Variants in PTPRD observed in about 807,000 individuals in gnomAD.
PTPRD encodes receptor-type tyrosine-protein phosphatase delta.
Under a neutral mutation model 214.5 loss-of-function variants are expected in PTPRD, and 34 were observed. That is an observed-to-expected ratio of 0.16 (90% CI 0.12 to 0.21). The LOEUF (loss-of-function observed/expected upper bound fraction) is 0.21, where lower values mean the gene tolerates loss of function less well. Among genes scored for constraint, PTPRD ranks in the 10% least tolerant of loss-of-function variants. The pLI, the probability that PTPRD is intolerant of heterozygous loss-of-function variation, is 1.00. For synonymous variants in PTPRD, 1,128 were observed against 845.7 expected (o/e 1.33, Z -5.79); for missense variants, 2,545 against 2,398.7 (o/e 1.06, Z -1.27).
intron 9 of PTPRD, among the ~76,000 whole-genome samples, chr9:9,385,649 G>C (rs1479046438): frequency 1.3e-5 from 2 of 152,106 alleles, no homozygotes; most frequent in Non-Finnish European, 2.9e-5. Flanking sequence ...CTTAGTGAAA[G>C]TGAATACAGG....
chr9:9,206,401 G>C (rs1162924709), intron 9 of PTPRD, among the ~76,000 whole-genome samples: 3 of 152,208 alleles, frequency 2.0e-5, no homozygotes, highest in Admixed American at 2.0e-4. Context: ...TGGAGTGAGA[G>C]TTGGGGGAGG....
intron 11 of PTPRD, among the ~76,000 whole-genome samples, chr9:9,007,318 G>A (rs2099479402): frequency 6.7e-6 from 1 of 150,238 alleles, no homozygotes; most frequent in African/African-American, 2.5e-5. Context: ...GTGCTAACTG[G>A]TAGCCCAAAG....
intron 9 of PTPRD, among the ~76,000 whole-genome samples, chr9:9,226,952 C>T (rs1314111223): frequency 6.6e-6 from 1 of 152,050 alleles, no homozygotes; most frequent in Non-Finnish European, 1.5e-5. Context: ...TAAAGGAGGA[C>T]TTTAATTCAC....
At chr9:9,104,130 T>C (rs762700239) in intron 10 of PTPRD, among the ~76,000 whole-genome samples, 9 of 152,190 alleles carry the variant, frequency 5.9e-5, no homozygotes, top group Non-Finnish European at 1.0e-4. Flanking sequence ...TAGGACTAAA[T>C]AGTAGATACT....
intron 2 of PTPRD, among the ~76,000 whole-genome samples, chr9:10,587,673 C>A (rs1754226868): frequency 6.6e-6 from 1 of 152,012 alleles, no homozygotes; most frequent in African/African-American, 2.4e-5. Context: ...CAGCAGAGAA[C>A]CCCATTCTGG....
intron 2 of PTPRD, among the ~76,000 whole-genome samples, chr9:10,475,959 A>T (rs555501806): frequency 2.0e-5 from 3 of 152,242 alleles, no homozygotes; most frequent in Admixed American, 2.0e-4. Flanking sequence ...CTCTCAATAA[A>T]CTAGATATTG....
intron 7 of PTPRD, among the ~76,000 whole-genome samples, chr9:9,648,543 A>G (rs565791246): frequency 2.0e-5 from 3 of 152,366 alleles, no homozygotes; most frequent in Non-Finnish European, 4.4e-5. Context: ...AGAAATTTCA[A>G]TTAGATATTT....
chr9:9,811,694 G>A (rs950578715), intron 5 of PTPRD, among the ~76,000 whole-genome samples: 3 of 152,096 alleles, frequency 2.0e-5, no homozygotes, highest in South Asian at 2.1e-4. Context: ...GTGACAGAGC[G>A]AGACTCCATC....
chr9:8,654,190 T>C (rs1214026272), intron 12 of PTPRD, among the ~76,000 whole-genome samples: 1 of 152,192 alleles, frequency 6.6e-6, no homozygotes. Context: ...TGACTGTATC[T>C]CAAGAAACCA....
intron 6 of PTPRD, among the ~76,000 whole-genome samples, chr9:9,758,609 A>G (rs2761714): frequency 0.12 from 18,728 of 152,130 alleles, 1,956 homozygotes; most frequent in African/African-American, 0.28. Context: ...CTTGCCAAGG[A>G]GAGTTACATA....
chr9:8,424,824 C>A (rs1210510561), intron 35 of PTPRD, among the ~76,000 whole-genome samples: 1 of 152,036 alleles, frequency 6.6e-6, no homozygotes, highest in Non-Finnish European at 1.5e-5. Context: ...TGAGTGCCTG[C>A]TGTTAAGGAA....
intron 3 of PTPRD, among the ~76,000 whole-genome samples, chr9:10,069,904 A>G (rs181429866): frequency 1.7e-4 from 26 of 152,134 alleles, no homozygotes; most frequent in Non-Finnish European, 3.2e-4. Context: ...AAGAGATCCT[A>G]TGTATTTGCT....
chr9:8,879,689 A>T (rs2098425527), intron 11 of PTPRD, among the ~76,000 whole-genome samples: 1 of 152,196 alleles, frequency 6.6e-6, no homozygotes, highest in South Asian at 2.1e-4. Flanking sequence ...AGAATCCTGG[A>T]TCTTAGCGTT....
intron 7 of PTPRD, among the ~76,000 whole-genome samples, chr9:9,715,565 G>A (rs1230385074): frequency 1.3e-5 from 2 of 152,084 alleles, no homozygotes; most frequent in Non-Finnish European, 2.9e-5. Context: ...ACCTGTTCCA[G>A]TAAAACTGAA....
chr9:10,537,286 T>A (rs1185465365), intron 2 of PTPRD, among the ~76,000 whole-genome samples: 2 of 152,200 alleles, frequency 1.3e-5, no homozygotes, highest in East Asian at 3.8e-4. Context: ...AACTCAGCCT[T>A]CTTCACACAC....
chr9:9,788,248 A>G (rs938003783), intron 5 of PTPRD, among the ~76,000 whole-genome samples: 12 of 152,088 alleles, frequency 7.9e-5, no homozygotes, highest in African/African-American at 2.9e-4. Context: ...TGCCATGAAA[A>G]AAGATATAAA....
intron 12 of PTPRD, among the ~76,000 whole-genome samples, chr9:8,643,688 G>A (rs1473617462): frequency 6.6e-6 from 1 of 152,240 alleles, no homozygotes; most frequent in East Asian, 1.9e-4. Context: ...CAGCCTGACT[G>A]AGTGTGCACA....
intron 12 of PTPRD, among the ~76,000 whole-genome samples, chr9:8,670,004 C>A (rs1055316216): frequency 4.7e-5 from 7 of 150,208 alleles, no homozygotes; most frequent in African/African-American, 1.7e-4. Context: ...TTATAGGGGT[C>A]GGTGTTTTCT....
chr9:10,069,068 C>G (rs537643937), intron 3 of PTPRD, among the ~76,000 whole-genome samples: 2 of 151,932 alleles, frequency 1.3e-5, no homozygotes, highest in Non-Finnish European at 2.9e-5. Flanking sequence ...CCTTTTGGAT[C>G]TGGCAGCTTG....
Sources: gnomAD v4.1 joint callset for allele counts (sites outside exome capture counted in the v4.1 genomes callset) on GRCh38, gnomAD v4.1.1 for gene constraint, MANE v1.5 for transcripts, NCBI Gene and HGNC (gene_info 2026-07-23, HGNC 2026-07-21) for gene names.